Variants in HAAO observed in about 807,000 individuals in gnomAD.
HAAO encodes 3-hydroxyanthranilate 3,4-dioxygenase.
HAAO carries 49 observed loss-of-function variants against 46.2 expected under a neutral mutation model. That is an observed-to-expected ratio of 1.06 (90% confidence interval 0.84 to 1.34). The LOEUF (loss-of-function observed/expected upper bound fraction) is 1.34. Among genes scored for constraint, HAAO ranks in the 40% most tolerant of loss-of-function variants. The probability of loss-of-function intolerance (pLI) is 0.00; values close to 1 mark genes in which losing one functional copy is unlikely to be tolerated. For missense variants in HAAO, 408 were observed against 364.5 expected, an observed-to-expected ratio of 1.12 and a Z score of -0.97; for synonymous variants, 157 against 145.2, an observed-to-expected ratio of 1.08 and a Z score of -0.58.
intron 4 of HAAO, among the ~76,000 whole-genome samples, chr2:42,773,934 T>A (rs1671346993): frequency 6.6e-6 from 1 of 152,180 alleles, no homozygotes; most frequent in Non-Finnish European, 1.5e-5. Context: ...CTCACTGAGA[T>A]AAATGCATAT....
chr2:42,767,629 G>C lies in HAAO; in HGVS notation c.748C>G (p.Pro250Ala). The C allele has an allele frequency of 6.4e-7, 1 of 1,572,936 alleles. No homozygotes were observed. The highest frequency in any genetic ancestry group is 8.6e-7 in the Non-Finnish European group (1 of 1,158,394). Residue 250 changes from proline to alanine, a missense_variant, in exon 9 of 10, where the codon CCT (proline) becomes GCT (alanine). Transcript: ENST00000294973. ...TMGGRRLSLA[P>A]DDSLLVLAGT... Reference sequence around the variant, plus strand: ...GCTAGCACCAGGAGGCTGTCATCAGGGGCCAGGCTCAGGCGCCGTCCCCCC... The same window carrying C: ...GCTAGCACCAGGAGGCTGTCATCAGCGGCCAGGCTCAGGCGCCGTCCCCCC...
chr2:42,788,564 T>A lies in HAAO; in HGVS notation c.124A>T (p.Thr42Ser), dbSNP rs3816182. 396,682 of 1,592,424 alleles carry A rather than the reference T, an allele frequency of 0.25. 54,894 individuals carry two copies. The highest frequency in any genetic ancestry group is 0.62 in the East Asian group (27,514 of 44,656). The change falls in exon 2 of 10, where the codon ACC becomes TCC. Residue 42 changes from threonine to serine, a missense_variant. By Grantham distance (58) the Thr-to-Ser change is moderately conservative. Transcript: ENST00000294973. Reference sequence around the variant, plus strand: ...TCTTCGATGTGATAGTCCTTCCTGGTGTTGGGGCCTCCGATGAACATGACT... The same window carrying A: ...TCTTCGATGTGATAGTCCTTCCTGGAGTTGGGGCCTCCGATGAACATGACT... ...LKVMFIGGPN[T>S]RKDYHIEEGE...
At chr2:42,770,881 T>G (rs1026084624) in intron 4 of HAAO, among the ~76,000 whole-genome samples, 3 of 152,214 alleles carry the variant, frequency 2.0e-5, no homozygotes, top group Non-Finnish European at 4.4e-5. Context: ...TCACAGAAGC[T>G]GAGCAATTTG....
In HAAO at chr2:42,767,570, G is replaced by C. The variant is rs144037216; in HGVS notation, c.782+25C>G. On this transcript the variant is annotated intron_variant, in intron 9 of 9. Transcript: ENST00000294973. ...ACAGAGTTGGACCCTGAGGATCCCA[G>C]GGAAAGCCCTCCCTGCGTACTCACG... 253 of 1,587,408 alleles carry C rather than the reference G, an allele frequency of 1.6e-4. No homozygotes were observed. The African/African-American group carries it at 2.8e-3, about 17-fold the overall frequency.
intron 1 of HAAO, among the ~76,000 whole-genome samples, chr2:42,790,331 CA>C (rs1281677425): frequency 2.6e-5 from 4 of 151,882 alleles, no homozygotes; most frequent in African/African-American, 7.3e-5. Context: ...CTTAAAGCTG[CA>C]TAGAGCTTCA....
intron 4 of HAAO, among the ~76,000 whole-genome samples, chr2:42,780,485 C>T (rs866837783): frequency 1.5e-4 from 22 of 151,382 alleles, no homozygotes; most frequent in Non-Finnish European, 2.7e-4. Flanking sequence ...GGATTACAGG[C>T]GTGAGCCACC....
chr2:42,770,001 G>T, intron 6 of HAAO, 142 bp downstream of exon 6: 2 of 1,128,706 alleles, frequency 1.8e-6, no homozygotes, highest in Non-Finnish European at 2.6e-6. Context: ...CATGTGGGAG[G>T]TACCATTGGC....
intron 5 of HAAO, 35 bp from the exon 6 acceptor site, chr2:42,770,221 A>G (rs1345602165): frequency 6.4e-7 from 1 of 1,571,774 alleles, no homozygotes; most frequent in African/African-American, 1.4e-5. Context: ...AGGAGTGGCG[A>G]GCACTCCCAT....
intron 4 of HAAO, among the ~76,000 whole-genome samples, chr2:42,782,451 C>T (rs921959424): frequency 6.6e-6 from 1 of 152,168 alleles, no homozygotes; most frequent in Non-Finnish European, 1.5e-5. Flanking sequence ...TTGGGATCTA[C>T]CCGTCTAGGA....
Position 42,772,521 on chromosome 2 carries a change from A to T in HAAO, c.351-1939T>A, listed in dbSNP as rs114847783. 8.9e-3 allele frequency among the ~76,000 whole-genome samples: 1,353 copies of T among 151,730 alleles called. 18 individuals carry two copies. The highest frequency in any genetic ancestry group is 0.032 in the African/African-American group (1,305 of 41,394). On this transcript the variant is annotated intron_variant, in intron 4 of 9. Coordinates refer to ENST00000294973, the MANE Select transcript of HAAO (RefSeq NM_012205.3). ...GAATACTCATGAGTTTCTTTTAAGT[A>T]AAAAAAGATATAGGTAAGCATAGAA... is the stretch of plus-strand genomic sequence containing the variant.
chr2:42,792,448 TG>T lies in HAAO; in HGVS notation c.80+8del. ...GGGCAGGGGGCGGCCATGGGGGTGC[TG>T]GACTCACATGAGCTTGTTGCAGACC... On this transcript the variant is annotated splice_region_variant and intron_variant, in intron 1 of 9. Coordinates refer to ENST00000294973, the MANE Select transcript of HAAO (RefSeq NM_012205.3). 1 of 1,552,022 alleles carries T rather than the reference TG, an allele frequency of 6.4e-7. No individual in the cohort carries two copies. The highest frequency in any genetic ancestry group is 8.7e-7 in the Non-Finnish European group (1 of 1,142,952).
At chr2:42,775,959 C>G (rs1253853125) in intron 4 of HAAO, among the ~76,000 whole-genome samples, 1 of 147,176 alleles carries the variant, frequency 6.8e-6, no homozygotes, top group Non-Finnish European at 1.5e-5. Flanking sequence ...GCTTCTGGGC[C>G]TTTGGCTAAG....
At chr2:42,773,051 A>G (rs1213724284) in intron 4 of HAAO, among the ~76,000 whole-genome samples, 1 of 152,132 alleles carries the variant, frequency 6.6e-6, no homozygotes, top group Non-Finnish European at 1.5e-5. Flanking sequence ...ACTGATCAGA[A>G]CCAAATGAGA....
chr2:42,770,199 A>G lies in HAAO; in HGVS notation c.441-13T>C. 6.3e-7 allele frequency: 1 copy of G among 1,593,246 alleles called. No homozygotes were observed. The highest frequency in any genetic ancestry group is 8.6e-7 in the Non-Finnish European group (1 of 1,168,336). ...AGAGCTGAAGAACCTGCAAGGACGA[A>G]CAGGGAGGAGCAGGAGTGGCGAGCA... On this transcript the variant is annotated splice_polypyrimidine_tract_variant and intron_variant, in intron 5 of 9. Coordinates refer to ENST00000294973, the MANE Select transcript of HAAO (RefSeq NM_012205.3).
chr2:42,792,377 C>A lies in HAAO; in HGVS notation c.80+80G>T. 4.1e-6 allele frequency: 3 copies of A among 729,630 alleles called. No individual in the cohort carries two copies. The South Asian group carries it at 5.9e-5, about 14-fold the overall frequency. 45.2% of individuals were successfully genotyped at this position (729,630 alleles called of 1,614,324 possible). A position where few individuals can be genotyped will look rare whatever the true frequency, so the allele number is the denominator to read the frequency against. On this transcript the variant is annotated intron_variant, in intron 1 of 9. Coordinates refer to ENST00000294973, the MANE Select transcript of HAAO (RefSeq NM_012205.3). ...CTGCAAGCTTCTGGGTCCAGGAACT[C>A]GGAGCTGGAAGGTGAGGGCGCAGAT...
intron 4 of HAAO, chr2:42,782,922 TG>T (rs1464602847): frequency 1.7e-5 from 8 of 461,392 alleles, no homozygotes; most frequent in Non-Finnish European, 3.0e-5. Context: ...CTTACGACTT[TG>T]GGCACATGTC....
At chr2:42,767,973 A>G (rs2104634122) in intron 7 of HAAO, 45 bp from the exon 8 acceptor site, 3 of 1,553,484 alleles carry the variant, frequency 1.9e-6, no homozygotes, top group South Asian at 1.1e-5. Context: ...CTTGCCCCAC[A>G]TGGGAGATGG....
chr2:42,780,092 C>T (rs777712581), intron 4 of HAAO, among the ~76,000 whole-genome samples: 3 of 152,154 alleles, frequency 2.0e-5, no homozygotes, highest in Non-Finnish European at 2.9e-5. Context: ...TTGCCAACTG[C>T]GTCTTTGACT....
chr2:42,769,586 TG>T, intron 7 of HAAO, 126 bp downstream of exon 7: 1 of 667,452 alleles, frequency 1.5e-6, no homozygotes, highest in Non-Finnish European at 2.4e-6. Context: ...TGTGTGTGTG[TG>T]TGTGTGTGTG....
Sources: gnomAD v4.1 joint callset for allele counts (sites outside exome capture counted in the v4.1 genomes callset) on GRCh38, gnomAD v4.1.1 for gene constraint, MANE v1.5 for transcripts, NCBI Gene and HGNC (gene_info 2026-07-23, HGNC 2026-07-21) for gene names.